ANKRD36: variants seen among roughly 807,000 people sequenced by gnomAD.
ANKRD36 encodes ankyrin repeat domain-containing protein 36A.
ANKRD36 carries 179 observed loss-of-function variants against 278.1 expected under a neutral mutation model. The observed-to-expected ratio is 0.64, with a 90% confidence interval of 0.57 to 0.73. The LOEUF (loss-of-function observed/expected upper bound fraction) is 0.73. ANKRD36 is among the 30% of genes least tolerant of loss of function. The probability of loss-of-function intolerance (pLI) is 0.00; values close to 1 mark genes in which losing one functional copy is unlikely to be tolerated. For synonymous variants in ANKRD36, 320 were observed against 641.1 expected, an observed-to-expected ratio of 0.50 and a Z score of 7.57; for missense variants, 1,159 against 1,956.7, an observed-to-expected ratio of 0.59 and a Z score of 7.69.
At chr2:97,128,524 G>T (rs955574830) in intron 6 of ANKRD36, among the ~76,000 whole-genome samples, 8 of 151,838 alleles carry the variant, frequency 5.3e-5, no homozygotes, top group African/African-American at 1.9e-4. Context: ...CATTTTTGAG[G>T]TGTAATGTGG....
chr2:97,210,341 G>T (rs1162028970), intron 56 of ANKRD36, among the ~76,000 whole-genome samples: 3 of 151,840 alleles, frequency 2.0e-5, no homozygotes, highest in African/African-American at 7.2e-5. Context: ...TGTGAGGCAG[G>T]AAGGCGGAAT....
intron 40 of ANKRD36, among the ~76,000 whole-genome samples, chr2:97,196,267 G>T (rs2059730066): frequency 6.6e-6 from 1 of 152,004 alleles, no homozygotes; most frequent in Admixed American, 6.6e-5. Flanking sequence ...TGATTCTCAG[G>T]AGTGTGAGTT....
At chr2:97,173,457 T>G (rs941256648) in intron 22 of ANKRD36, among the ~76,000 whole-genome samples, 39 of 151,830 alleles carry the variant, frequency 2.6e-4, no homozygotes, top group African/African-American at 9.4e-4. Flanking sequence ...GCCATGGGGC[T>G]GCTTTTGTGA....
chr2:97,229,882 C>T (rs1480648364), intron 67 of ANKRD36, among the ~76,000 whole-genome samples: 2 of 151,982 alleles, frequency 1.3e-5, no homozygotes, highest in African/African-American at 4.8e-5. Flanking sequence ...TATTTTATTT[C>T]TCCTTCACTT....
At chr2:97,121,737 A>G (rs1301822077) in intron 3 of ANKRD36, among the ~76,000 whole-genome samples, 1 of 152,108 alleles carries the variant, frequency 6.6e-6, no homozygotes, top group African/African-American at 2.4e-5. Flanking sequence ...GCTTTAATTG[A>G]TAAGCCATTG....
At chr2:97,187,650 A>C (rs1393485007) in intron 32 of ANKRD36, among the ~76,000 whole-genome samples, 1 of 151,796 alleles carries the variant, frequency 6.6e-6, no homozygotes, top group Non-Finnish European at 1.5e-5. Flanking sequence ...ATATGGAGAG[A>C]GGTTCAAGAC....
At chr2:97,192,951 A>G (rs2058863643) in intron 37 of ANKRD36, 30 bp from the exon 38 acceptor site, 3 of 1,587,422 alleles carry the variant, frequency 1.9e-6, no homozygotes, top group East Asian at 4.7e-5. Context: ...TACTTTATTA[A>G]TTTATTATTT....
chr2:97,187,291 A>G, intron 31 of ANKRD36, 38 bp from the exon 32 acceptor site: 2 of 1,594,408 alleles, frequency 1.3e-6, no homozygotes, highest in Non-Finnish European at 1.7e-6. Context: ...TACTTCATTG[A>G]TTTATTTATT....
At chr2:97,189,145 T>G (rs1282841441) in intron 33 of ANKRD36, 30 bp downstream of exon 33, 1 of 755,794 alleles carries the variant, frequency 1.3e-6, no homozygotes, top group East Asian at 2.4e-5. Context: ...CATTGTGAAC[T>G]AGTAATTCTA....
chr2:97,219,490 T>C (rs1365337614), intron 66 of ANKRD36, among the ~76,000 whole-genome samples: 1 of 151,936 alleles, frequency 6.6e-6, no homozygotes, highest in Non-Finnish European at 1.5e-5. Context: ...GTTTTGTTTT[T>C]TGTTTTTGGA....
intron 34 of ANKRD36, among the ~76,000 whole-genome samples, chr2:97,189,530 A>G (rs2058087204): frequency 1.1e-5 from 1 of 88,382 alleles, no homozygotes; most frequent in African/African-American, 2.6e-5. Flanking sequence ...AAGAAGATAC[A>G]TGGAGAGAGG....
intron 52 of ANKRD36, among the ~76,000 whole-genome samples, chr2:97,206,962 A>G (rs887203976): frequency 6.6e-6 from 1 of 151,536 alleles, no homozygotes; most frequent in African/African-American, 2.4e-5. Flanking sequence ...CAAGAAGGCT[A>G]TTTTAGAAAC....
chr2:97,123,855 A>G (rs2037702478), intron 4 of ANKRD36, among the ~76,000 whole-genome samples: 1 of 146,374 alleles, frequency 6.8e-6, no homozygotes, highest in Non-Finnish European at 1.5e-5. Context: ...ATAATATACA[A>G]TGTATATTAT....
At chr2:97,202,482 A>T (rs1239791620) in intron 48 of ANKRD36, 89 bp downstream of exon 48, 12 of 1,514,816 alleles carry the variant, frequency 7.9e-6, no homozygotes, top group Admixed American at 6.3e-5. Context: ...GGCTCGTCGA[A>T]GCTGCACTTT....
chr2:97,115,896 TA>T (rs1333312306), intron 1 of ANKRD36, among the ~76,000 whole-genome samples: 11 of 150,776 alleles, frequency 7.3e-5, no homozygotes, highest in Non-Finnish European at 1.5e-4. Context: ...ATGGATTTTA[TA>T]AATTTTATAA....
At chr2:97,172,685 A>G (rs555415868) in intron 22 of ANKRD36, among the ~76,000 whole-genome samples, 1 of 152,122 alleles carries the variant, frequency 6.6e-6, no homozygotes, top group Non-Finnish European at 1.5e-5. Flanking sequence ...GCTCCCCTTC[A>G]TGAATGTTAA....
intron 52 of ANKRD36, 77 bp downstream of exon 52, chr2:97,206,212 G>T: frequency 1.4e-6 from 2 of 1,391,566 alleles, no homozygotes; most frequent in Admixed American, 2.4e-5. Context: ...AAATCAGCGG[G>T]GGGCTCATCG....
chr2:97,160,670 G>A (rs963626792), intron 17 of ANKRD36, among the ~76,000 whole-genome samples: 1 of 151,986 alleles, frequency 6.6e-6, no homozygotes, highest in African/African-American at 2.4e-5. Context: ...GGCAATTAGA[G>A]CTATTAGTAT....
intron 22 of ANKRD36, among the ~76,000 whole-genome samples, chr2:97,177,829 G>T (rs1411728300): frequency 6.6e-6 from 1 of 151,892 alleles, no homozygotes; most frequent in Non-Finnish European, 1.5e-5. Flanking sequence ...TGACAGATGG[G>T]ATCTAATTAA....
Sources: gnomAD v4.1 joint callset for allele counts (sites outside exome capture counted in the v4.1 genomes callset) on GRCh38, gnomAD v4.1.1 for gene constraint, MANE v1.5 for transcripts, NCBI Gene and HGNC (gene_info 2026-07-23, HGNC 2026-07-21) for gene names.